GRIK5: variants seen among roughly 807,000 people sequenced by gnomAD.
GRIK5 encodes glutamate receptor ionotropic, kainate 5.
Under a neutral mutation model 97.4 loss-of-function variants are expected in GRIK5, and 43 were observed. That is an observed-to-expected ratio of 0.44 (90% CI 0.35 to 0.57). GRIK5 has a LOEUF of 0.57. Among genes scored for constraint, GRIK5 ranks in the 20% least tolerant of loss-of-function variants. GRIK5 has a pLI of 0.01. For missense variants in GRIK5, 1,015 were observed against 1,382.0 expected (o/e 0.73, Z 4.21); for synonymous variants, 580 against 583.5 (o/e 0.99, Z 0.09).
rs2146051818 is a variant in GRIK5, at chr19:42,022,346, G to A, written c.1482C>T (p.Asp494=). ...MVGELINRKA[D]LAVAAFTITA... is the part of the protein sequence containing the mutation. ...TGATGGTGAAGGCGGCCACAGCCAG[G>A]TCTGCCTTCTGCTGGAGGGGAAGCC... Residue 494 remains aspartate (D), a synonymous_variant, in exon 13 of 20, where the codon GAC becomes GAT. Coordinates refer to ENST00000593562, the MANE Select transcript of GRIK5 (RefSeq NM_002088.5). The surrounding 1 kb of genome is among the most constrained non-coding windows in gnomAD (Gnocchi z 4.2). The A allele has an allele frequency of 6.2e-7, 1 of 1,613,506 alleles. No individual in the cohort carries two copies. The highest frequency in any genetic ancestry group is 1.6e-4 in the Middle Eastern group (1 of 6,062).
At chr19:42,053,223 G>A (rs1224489923) in intron 11 of GRIK5, among the ~76,000 whole-genome samples, 1 of 152,068 alleles carries the variant, frequency 6.6e-6, no homozygotes, top group East Asian at 1.9e-4. Context: ...TGTGACCCTG[G>A]GCAAGTCGCC....
chr19:42,067,490 T>C (rs1156946580), intron 1 of GRIK5, among the ~76,000 whole-genome samples: 3 of 152,092 alleles, frequency 2.0e-5, no homozygotes, highest in Admixed American at 2.0e-4. Context: ...CAAGGGATGC[T>C]GGGAGACCCG....
chr19:42,015,295 C>T (rs2075611160), intron 15 of GRIK5, among the ~76,000 whole-genome samples: 1 of 152,152 alleles, frequency 6.6e-6, no homozygotes, highest in Non-Finnish European at 1.5e-5. Flanking sequence ...CATGATCAAC[C>T]TACTGGCCCC....
At position 42,022,790 on chromosome 19, in the gene GRIK5, C is replaced by T. The variant is rs561068021; in HGVS notation, c.1474-436G>A. Reference sequence around the variant, plus strand: ...AGGAGGCAGGGCCCAGAAATGACCCCGGGTGGGGAGGAAGGGTGCAGGTCA... The same window carrying T: ...AGGAGGCAGGGCCCAGAAATGACCCTGGGTGGGGAGGAAGGGTGCAGGTCA... On this transcript the variant is annotated intron_variant, in intron 12 of 19. Coordinates refer to ENST00000593562, the MANE Select transcript of GRIK5 (RefSeq NM_002088.5). The surrounding 1 kb of genome is among the most constrained non-coding windows in gnomAD (Gnocchi z 4.2). 1.3e-4 allele frequency: 54 copies of T among 414,498 alleles called. No individual in the cohort carries two copies. Among genetic ancestry groups the T allele is most frequent in the African/African-American group, 1.1e-3 (51 of 46,364 alleles). The allele number at this position is 414,498 out of a possible 1,614,324, so 25.7% of individuals were successfully genotyped here. A position where few individuals can be genotyped will look rare whatever the true frequency, so the allele number is the denominator to read the frequency against.
chr19:42,004,109 G>A (rs1216862723), intron 17 of GRIK5, among the ~76,000 whole-genome samples: 1 of 152,160 alleles, frequency 6.6e-6, no homozygotes, highest in Non-Finnish European at 1.5e-5. Flanking sequence ...TGGCTCCCCA[G>A]GGAGTCTATT....
intron 15 of GRIK5, among the ~76,000 whole-genome samples, chr19:42,013,768 C>T (rs73051446): frequency 0.031 from 4,676 of 152,194 alleles, 113 homozygotes; most frequent in Non-Finnish European, 0.047. Flanking sequence ...TTCCCAATTA[C>T]CCTGATCCCA....
In GRIK5 at chr19:42,047,619, G is replaced by A. The variant is rs538830644; in HGVS notation, c.1270-4864C>T. Among the ~76,000 whole-genome samples the A allele has an allele frequency of 7.2e-5, 11 of 152,122 alleles. No individual in the cohort carries two copies. In the South Asian group the frequency reaches 2.3e-3, roughly 32 times the overall value. On this transcript the variant is annotated intron_variant, in intron 11 of 19. Coordinates refer to ENST00000593562, the MANE Select transcript of GRIK5 (RefSeq NM_002088.5). ...TGACAAAGGTAAAACTGTCCTGAAG[G>A]GGGAAGAATTATTGTTATAATAAAT...
Position 42,053,844 on chromosome 19 carries a change from G to C in GRIK5, c.1142C>G (p.Ser381Cys), listed in dbSNP as rs757431118. 3.7e-6 allele frequency: 6 copies of C among 1,613,478 alleles called. No individual in the cohort carries two copies. Among genetic ancestry groups the C allele is most frequent in the African/African-American group, 1.3e-5 (1 of 75,040 alleles). Residue 381 changes from serine to cysteine, a missense_variant, in exon 10 of 20, where the codon TCC becomes TGC. Ser to Cys is a moderately radical substitution (Grantham distance 112, BLOSUM62 -1). Coordinates refer to ENST00000593562, the MANE Select transcript of GRIK5 (RefSeq NM_002088.5). Reference protein sequence around the residue: ...TNYTLRILEKSRQGHREIGVW... With the variant: ...TNYTLRILEKCRQGHREIGVW... ...GCTCACCTCACGGTGGCCCTGCCGG[G>C]ACTTTTCTAGGATGCGCAGGGTGTA... is the stretch of plus-strand genomic sequence containing the variant.
chr19:42,054,276 G>A (rs758541201), intron 9 of GRIK5, 44 bp downstream of exon 9: 41 of 1,578,826 alleles, frequency 2.6e-5, no homozygotes, highest in East Asian at 6.8e-5. Context: ...CCCACCTGAG[G>A]TGGCCGTGTC....
At chr19:42,018,421 G>A (rs1275489642) in intron 15 of GRIK5, among the ~76,000 whole-genome samples, 1 of 151,420 alleles carries the variant, frequency 6.6e-6, no homozygotes, top group Non-Finnish European at 1.5e-5. Context: ...TTGGGAGGCC[G>A]ACCCAGGTGA....
In GRIK5 at chr19:42,013,847, G is replaced by A. The variant is rs538643974; in HGVS notation, c.1872-7037C>T. ...GTTTGAGACCAGCCTGGGCAACACA[G>A]TGAGACTTCGTCTCTACCAAAAATA... On this transcript the variant is annotated intron_variant, in intron 15 of 19. Coordinates refer to ENST00000593562, the MANE Select transcript of GRIK5 (RefSeq NM_002088.5). Among the ~76,000 whole-genome samples, 310 of 152,216 alleles carry A rather than the reference G, an allele frequency of 2.0e-3. 1 individual carries two copies. The highest frequency in any genetic ancestry group is 7.2e-3 in the African/African-American group (300 of 41,534).
At chr19:42,018,885 A>T (rs2075663320) in intron 15 of GRIK5, among the ~76,000 whole-genome samples, 1 of 152,056 alleles carries the variant, frequency 6.6e-6, no homozygotes, top group Non-Finnish European at 1.5e-5. Context: ...CCTACACTGG[A>T]CCCTGAGTCC....
At position 42,070,016 on chromosome 19, in the gene GRIK5, G is replaced by A. The variant is rs548151758; in HGVS notation, c.-826C>T. On this transcript the variant is annotated 5_prime_UTR_variant, in exon 1 of 20. Transcript: ENST00000593562. ...AGGGTGGGGTGTCCCAGGGGCTCCC[G>A]GTGCTGGGCCTCAGTGGGAGGGCCT... Among the ~76,000 whole-genome samples the A allele has an allele frequency of 2.6e-5, 4 of 152,072 alleles. No individual in the cohort carries two copies. Among genetic ancestry groups the A allele is most frequent in the African/African-American group, 4.8e-5 (2 of 41,482 alleles).
rs1260576758 is a variant in GRIK5, at chr19:41,999,135, G to A, written c.2679C>T (p.Ala893=). The A allele has an allele frequency of 2.1e-6, 3 of 1,446,372 alleles. No individual in the cohort carries two copies. Among genetic ancestry groups the A allele is most frequent in the Non-Finnish European group, 1.8e-6 (2 of 1,106,750 alleles). 89.6% of individuals were successfully genotyped at this position (1,446,372 alleles called of 1,614,324 possible). Residue 893 remains alanine, a synonymous_variant, in exon 20 of 20, where the codon GCC becomes GCT. Transcript: ENST00000593562. The surrounding 1 kb of genome is among the most constrained non-coding windows in gnomAD (Gnocchi z 5.0). ...CGCTGCCCGCATCCCCGCCCGCGCC[G>A]GCCGAGTAGAGCTTGCCGTTGCTGA... ...MRLSNGKLYS[A]GAGGDAGSAH... is the part of the protein sequence containing the mutation.
chr19:42,001,858 G>T (rs2146007199), intron 19 of GRIK5: 1 of 490,696 alleles, frequency 2.0e-6, no homozygotes, highest in East Asian at 3.3e-5. Context: ...AGCACATAGT[G>T]GGTCTTAAGA....
intron 12 of GRIK5, among the ~76,000 whole-genome samples, chr19:42,037,363 G>A (rs2075919525): frequency 6.6e-6 from 1 of 152,142 alleles, no homozygotes; most frequent in African/African-American, 2.4e-5. Flanking sequence ...GGAGGCTGAG[G>A]CAGGAAAATC....
chr19:42,003,403 G>T lies in GRIK5; in HGVS notation c.2443C>A (p.Leu815Ile). The T allele has an allele frequency of 6.2e-7, 1 of 1,613,548 alleles. No individual in the cohort carries two copies. Among genetic ancestry groups the T allele is most frequent in the Non-Finnish European group, 8.5e-7 (1 of 1,179,604 alleles). The change falls in exon 19 of 20, where the codon CTC becomes ATC. Residue 815 changes from leucine to isoleucine, a missense_variant. Around this residue, in one of 5 missense-constraint regions of GRIK5, gnomAD observed 229 missense variants for 341.0 expected, o/e 0.67. Transcript: ENST00000593562. This position sits in a 1 kb window ranked among gnomAD's most constrained non-coding sequence, Gnocchi z 4.2. ...ACCGCCACGAAGACAGCAATGATGA[G>T]GCCACAGATGAGCACGATAAAAATG... ...GGIFIVLICG[L>I]IIAVFVAVME...
intron 6 of GRIK5, among the ~76,000 whole-genome samples, chr19:42,057,520 A>G (rs2076203521): frequency 6.6e-6 from 1 of 152,100 alleles, no homozygotes; most frequent in African/African-American, 2.4e-5. Context: ...ATAGGCATGT[A>G]CCACAATGCC....
chr19:42,011,988 C>T (rs138584994), intron 15 of GRIK5, among the ~76,000 whole-genome samples: 46 of 152,054 alleles, frequency 3.0e-4, no homozygotes, highest in Admixed American at 7.2e-4. Flanking sequence ...TCCCAGTAAC[C>T]CCCTAAAGGT....
Sources: allele counts gnomAD v4.1 joint callset (sites outside exome capture counted in the v4.1 genomes callset), GRCh38; gene constraint gnomAD v4.1.1; regional missense constraint gnomAD v4.1.1; non-coding constraint Gnocchi (gnomAD v3.1); transcripts MANE v1.5; gene names NCBI Gene and HGNC (gene_info 2026-07-23, HGNC 2026-07-21).